The following ERBB4 variants were observed in gnomAD, a reference collection of about 807,000 sequenced individuals.
The protein encoded by ERBB4 is receptor tyrosine-protein kinase erbB-4.
A neutral mutation model predicts 158.0 loss-of-function variants in ERBB4; 42 were observed. The ratio of observed to expected loss-of-function variants is 0.27; its 90% CI spans 0.21 to 0.34. The LOEUF is 0.34. Among genes scored for constraint, ERBB4 ranks in the 10% least tolerant of loss-of-function variants. ERBB4 has a pLI of 1.00. For missense variants in ERBB4, 1,333 were observed against 1,624.1 expected, an observed-to-expected ratio of 0.82 and a Z score of 3.08; for synonymous variants, 583 against 558.7, an observed-to-expected ratio of 1.04 and a Z score of -0.61.
chr2:211,839,250 A>G, intron 3 of ERBB4, among the ~76,000 whole-genome samples: 1 of 151,656 alleles, frequency 6.6e-6, no homozygotes, highest in African/African-American at 2.4e-5. Flanking sequence ...AGAAAAGAAA[A>G]GAAAGAAAGA....
chr2:212,449,809 C>T (rs561752000), intron 1 of ERBB4, among the ~76,000 whole-genome samples: 1 of 151,900 alleles, frequency 6.6e-6, no homozygotes, highest in Non-Finnish European at 1.5e-5. Flanking sequence ...CCTACTATCA[C>T]AAATTTTTAA....
chr2:211,377,444 G>A lies in ERBB4; in HGVS notation c.*6171C>T, dbSNP rs2062495351. 2 of 232,232 alleles carry A rather than the reference G, an allele frequency of 8.6e-6. No individual in the cohort carries two copies. The highest frequency in any genetic ancestry group is 5.6e-5 in the Admixed American group (1 of 17,730). 14.4% of individuals were successfully genotyped at this position (232,232 alleles called of 1,614,324 possible). On this transcript the variant is annotated 3_prime_UTR_variant, in exon 28 of 28. Coordinates refer to ENST00000342788, the MANE Select transcript of ERBB4 (RefSeq NM_005235.3). Reference sequence around the variant, plus strand: ...CATGATATAGGGAAAGCTCACTAGAGCATGAAAAGAAAAACGTCCATAAAG... The same window carrying A: ...CATGATATAGGGAAAGCTCACTAGAACATGAAAAGAAAAACGTCCATAAAG...
chr2:211,673,704 C>G (rs2071942535), intron 13 of ERBB4, among the ~76,000 whole-genome samples: 1 of 151,904 alleles, frequency 6.6e-6, no homozygotes. Context: ...TGTTCCCAAT[C>G]CTTGTCCTTC....
chr2:212,346,306 TG>T (rs1348549797), intron 1 of ERBB4, among the ~76,000 whole-genome samples: 4 of 74,980 alleles, frequency 5.3e-5, no homozygotes, highest in East Asian at 5.3e-4. Context: ...TCCTCAATGA[TG>T]GCCCCCCCCA....
At chr2:211,395,967 T>C (rs982608303) in intron 25 of ERBB4, among the ~76,000 whole-genome samples, 1 of 151,490 alleles carries the variant, frequency 6.6e-6, no homozygotes, top group East Asian at 1.9e-4. Context: ...GGGATTAAAA[T>C]AATTGTTAAA....
At chr2:211,651,398 G>C (rs995756957) in intron 16 of ERBB4, among the ~76,000 whole-genome samples, 1 of 152,122 alleles carries the variant, frequency 6.6e-6, no homozygotes, top group Admixed American at 6.5e-5. Flanking sequence ...CAAGTACCCA[G>C]GGTAGGCAGA....
At position 211,595,683 on chromosome 2, in the gene ERBB4, C is replaced by T. The variant is rs537412685; in HGVS notation, c.2301+23494G>A. Among the ~76,000 whole-genome samples, 391 of 152,224 alleles carry T rather than the reference C, an allele frequency of 2.6e-3. 1 individual carries two copies. The highest frequency in any genetic ancestry group is 7.7e-3 in the African/African-American group (318 of 41,556). On this transcript the variant is annotated intron_variant, in intron 19 of 27. Transcript: ENST00000342788. ...CAACAGCCCATGGGTTTGACCTGCA[C>T]GGGTCCAATTACAGGTGGATTTTTG...
At chr2:211,878,215 A>G (rs1486721256) in intron 3 of ERBB4, among the ~76,000 whole-genome samples, 2 of 152,242 alleles carry the variant, frequency 1.3e-5, no homozygotes, top group Non-Finnish European at 2.9e-5. Flanking sequence ...TTATAATTTA[A>G]AACAGTTCTC....
At chr2:211,773,645 T>A (rs1347603128) in intron 4 of ERBB4, among the ~76,000 whole-genome samples, 3 of 85,294 alleles carry the variant, frequency 3.5e-5, no homozygotes, top group Non-Finnish European at 6.8e-5. Context: ...TATATATATA[T>A]ATAATATATA....
chr2:212,517,937 A>G (rs887969140), intron 1 of ERBB4, among the ~76,000 whole-genome samples: 1 of 152,124 alleles, frequency 6.6e-6, no homozygotes, highest in Non-Finnish European at 1.5e-5. Flanking sequence ...ACTGTATGAA[A>G]TAAAACACAA....
intron 1 of ERBB4, among the ~76,000 whole-genome samples, chr2:212,409,205 G>C (rs1429705869): frequency 6.6e-6 from 1 of 152,052 alleles, no homozygotes; most frequent in Non-Finnish European, 1.5e-5. Flanking sequence ...ATTTAAATGA[G>C]GGTAAAAATA....
At position 211,929,942 on chromosome 2, in the gene ERBB4, C is replaced by T. The variant is rs188643866; in HGVS notation, c.421+17488G>A. On this transcript the variant is annotated intron_variant, in intron 3 of 27. Coordinates refer to ENST00000342788, the MANE Select transcript of ERBB4 (RefSeq NM_005235.3). ...ATATTTATTGGCTATTTTGCTATAT[C>T]TCTCTCTGGTCTTCTTATTTGCCTT... is the stretch of plus-strand genomic sequence containing the variant. Among the ~76,000 whole-genome samples, 111 of 152,216 alleles carry T rather than the reference C, an allele frequency of 7.3e-4. 2 individuals are homozygous for T. The highest frequency in any genetic ancestry group is 1.6e-4 in the Non-Finnish European group (11 of 67,994).
At chr2:211,386,324 CTTTAA>C in intron 27 of ERBB4, among the ~76,000 whole-genome samples, 1 of 152,158 alleles carries the variant, frequency 6.6e-6, no homozygotes, top group Admixed American at 6.5e-5. Context: ...AGGGTCAAAC[CTTTAA>C]TTTTTGAAAA....
At chr2:211,515,822 T>A (rs542225169) in intron 20 of ERBB4, among the ~76,000 whole-genome samples, 1 of 149,608 alleles carries the variant, frequency 6.7e-6, no homozygotes, top group African/African-American at 2.5e-5. Flanking sequence ...GCCAGGCAGC[T>A]AAGTCAAGAA....
chr2:212,057,610 C>T (rs1405091446), intron 2 of ERBB4, among the ~76,000 whole-genome samples: 2 of 152,172 alleles, frequency 1.3e-5, no homozygotes, highest in African/African-American at 2.4e-5. Context: ...CAAACTAGAA[C>T]TCAGGATTAA....
At chr2:211,613,975 T>G (rs2069293252) in intron 19 of ERBB4, among the ~76,000 whole-genome samples, 1 of 152,104 alleles carries the variant, frequency 6.6e-6, no homozygotes, top group Non-Finnish European at 1.5e-5. Context: ...ACTCCTATGA[T>G]TGTTGCAGCA....
intron 1 of ERBB4, among the ~76,000 whole-genome samples, chr2:212,178,855 G>GA: frequency 6.6e-6 from 1 of 151,228 alleles, no homozygotes; most frequent in African/African-American, 2.4e-5. Context: ...CTCTTGCTTA[G>GA]AAAAAAAATT....
intron 1 of ERBB4, among the ~76,000 whole-genome samples, chr2:212,156,836 G>C (rs1012204068): frequency 2.0e-5 from 3 of 152,056 alleles, no homozygotes; most frequent in Non-Finnish European, 4.4e-5. Flanking sequence ...ACTAAGTCCT[G>C]TTGCTTCTAT....
intron 5 of ERBB4, among the ~76,000 whole-genome samples, chr2:211,729,107 G>C (rs1055232819): frequency 5.9e-5 from 9 of 151,780 alleles, no homozygotes; most frequent in African/African-American, 2.2e-4. Flanking sequence ...TTGTGTGGAA[G>C]AAAACTTAAA....
Sources: allele counts gnomAD v4.1 joint callset (sites outside exome capture counted in the v4.1 genomes callset), GRCh38; gene constraint gnomAD v4.1.1; transcripts MANE v1.5; gene names NCBI Gene and HGNC (gene_info 2026-07-23, HGNC 2026-07-21).